The following DGKB variants were observed in gnomAD, a reference collection of about 807,000 sequenced individuals.
DGKB encodes the protein diacylglycerol kinase beta, also known as 90 kDa diacylglycerol kinase.
A neutral mutation model predicts 114.3 loss-of-function variants in DGKB; 67 were observed. That is an observed-to-expected ratio of 0.59 (90% CI 0.48 to 0.72). The LOEUF (loss-of-function observed/expected upper bound fraction) is 0.72. Ranked by LOEUF, DGKB falls within the 30% of genes least tolerant of loss-of-function variation. DGKB has a pLI of 0.00. For synonymous variants in DGKB, 398 were observed against 323.1 expected (o/e 1.23, Z -2.49); for missense variants, 907 against 975.2 (o/e 0.93, Z 0.93).
At chr7:14,650,827 C>G (rs1267942206) in intron 13 of DGKB, among the ~76,000 whole-genome samples, 1 of 149,900 alleles carries the variant, frequency 6.7e-6, no homozygotes, top group East Asian at 2.0e-4. Flanking sequence ...CACCACAGAT[C>G]CCACAGAAAT....
At chr7:14,598,520 C>T (rs1193124826) in intron 17 of DGKB, among the ~76,000 whole-genome samples, 1 of 152,106 alleles carries the variant, frequency 6.6e-6, no homozygotes, top group Non-Finnish European at 1.5e-5. Context: ...CTGATTTCTG[C>T]ATAGTCAATG....
rs750516681 is a variant in DGKB at position 14,701,682 on chromosome 7, G to A, written c.515C>T (p.Ser172Leu). 1.0e-5 allele frequency: 16 copies of A among 1,607,162 alleles called. No homozygotes were observed. Among genetic ancestry groups the A allele is most frequent in the Middle Eastern group, 1.7e-4 (1 of 6,026 alleles). The change falls in exon 7 of 26, where the codon TCG (serine) becomes TTG (leucine). Residue 172 changes from serine to leucine, a missense_variant and splice_region_variant. Ser to Leu is a moderately radical substitution (Grantham distance 145, BLOSUM62 -2). Transcript: ENST00000402815. The stretch of plus-strand genomic sequence containing the variant: ...AGAAACTTTGAAGAAAAAAATTACC[G>A]AGCTGTCCAGGAAGCCATTCCCATC... ...DTDGNGFLDS[S>L]ELENIISQMM...
intron 13 of DGKB, among the ~76,000 whole-genome samples, chr7:14,646,672 T>A (rs1813086672): frequency 1.3e-5 from 2 of 151,806 alleles, no homozygotes; most frequent in Admixed American, 1.3e-4. Context: ...AAAATCAGAA[T>A]CAATATTAAG....
At chr7:14,738,656 C>A (rs1178292646) in intron 4 of DGKB, among the ~76,000 whole-genome samples, 2 of 152,102 alleles carry the variant, frequency 1.3e-5, no homozygotes, top group Non-Finnish European at 2.9e-5. Flanking sequence ...TAATTTGAAA[C>A]AATATTTGAA....
intron 15 of DGKB, among the ~76,000 whole-genome samples, chr7:14,613,939 T>C (rs1055650150): frequency 4.6e-5 from 7 of 151,058 alleles, no homozygotes; most frequent in African/African-American, 1.7e-4. Context: ...TAAGAGTCCT[T>C]ATCTACACAA....
chr7:14,932,485 G>T (rs1562885324), intron 1 of DGKB, among the ~76,000 whole-genome samples: 1 of 152,098 alleles, frequency 6.6e-6, no homozygotes, highest in African/African-American at 2.4e-5. Context: ...TCTTCGTAAT[G>T]AACATCATTA....
At chr7:14,970,869 T>G (rs1319121704) in intron 1 of DGKB, among the ~76,000 whole-genome samples, 1 of 152,074 alleles carries the variant, frequency 6.6e-6, no homozygotes, top group African/African-American at 2.4e-5. Context: ...CAGGCTGGAG[T>G]GCAGATGGAC....
intron 23 of DGKB, among the ~76,000 whole-genome samples, chr7:14,326,500 C>T (rs1004573566): frequency 1.3e-5 from 2 of 151,954 alleles, no homozygotes; most frequent in African/African-American, 4.8e-5. Flanking sequence ...GCAGGAATCA[C>T]CATAGAATGG....
chr7:14,468,595 T>G (rs1242509062), intron 21 of DGKB, among the ~76,000 whole-genome samples: 5 of 149,924 alleles, frequency 3.3e-5, no homozygotes, highest in Non-Finnish European at 7.4e-5. Flanking sequence ...TATATATTGT[T>G]GTCAGCTTAT....
At chr7:14,248,912 C>T (rs556755091) in intron 23 of DGKB, among the ~76,000 whole-genome samples, 1 of 152,244 alleles carries the variant, frequency 6.6e-6, no homozygotes, top group Admixed American at 6.5e-5. Context: ...GCAGTCTTGA[C>T]TCATTCCTGA....
At chr7:14,962,380 C>T (rs1786898679) in intron 1 of DGKB, among the ~76,000 whole-genome samples, 1 of 152,058 alleles carries the variant, frequency 6.6e-6, no homozygotes, top group South Asian at 2.1e-4. Flanking sequence ...ACAACATAAG[C>T]ATTGTGTTGC....
At chr7:14,630,679 AGACATAGCTT>A (rs1181971544) in intron 13 of DGKB, among the ~76,000 whole-genome samples, 4 of 152,096 alleles carry the variant, frequency 2.6e-5, no homozygotes, top group African/African-American at 9.6e-5. Flanking sequence ...TTTTGAACAC[AGACATAGCTT>A]ATGATGTTCA....
At chr7:14,971,695 TTTA>T (rs1334675656) in intron 1 of DGKB, among the ~76,000 whole-genome samples, 1 of 151,950 alleles carries the variant, frequency 6.6e-6, no homozygotes, top group East Asian at 2.0e-4. Flanking sequence ...ATGAAAATCT[TTTA>T]TTTTTATTTT....
At chr7:14,913,599 T>C (rs1270041327) in intron 1 of DGKB, among the ~76,000 whole-genome samples, 1 of 151,472 alleles carries the variant, frequency 6.6e-6, no homozygotes, top group Non-Finnish European at 1.5e-5. Context: ...AGAGTGATAA[T>C]AGGAAAAGTA....
rs564771802 is a variant in DGKB, at chr7:14,333,482, A to T, written c.2122+5033T>A. 5.7e-5 allele frequency among the ~76,000 whole-genome samples: 8 copies of T among 139,928 alleles called. No homozygotes were observed. In the South Asian group the frequency reaches 1.9e-3, roughly 32 times the overall value. The allele number at this position is 139,928 out of a possible 152,430, so 91.8% of individuals were successfully genotyped here. A position where few individuals can be genotyped will look rare whatever the true frequency, so the allele number is the denominator to read the frequency against. On this transcript the variant is annotated intron_variant, in intron 23 of 25. Coordinates refer to ENST00000402815, the MANE Select transcript of DGKB (RefSeq NM_001350709.2). Reference sequence around the variant, plus strand: ...TCTTAAAAAAAAAAAAAAAAAAAAAATCAATCTGTGAGAATAATGGATCTA... The same window carrying T: ...TCTTAAAAAAAAAAAAAAAAAAAAATTCAATCTGTGAGAATAATGGATCTA...
At chr7:14,744,299 C>T (rs1350814538) in intron 4 of DGKB, among the ~76,000 whole-genome samples, 6 of 152,156 alleles carry the variant, frequency 3.9e-5, no homozygotes, top group Non-Finnish European at 8.8e-5. Context: ...GGCAACAGTA[C>T]ACAGTTGGAG....
intron 25 of DGKB, among the ~76,000 whole-genome samples, chr7:14,175,427 C>T (rs1033596544): frequency 6.6e-6 from 1 of 152,162 alleles, no homozygotes; most frequent in African/African-American, 2.4e-5. Context: ...AGCCCTTTCT[C>T]TCCTCCACCT....
chr7:14,500,191 C>T (rs1237959226), intron 20 of DGKB, among the ~76,000 whole-genome samples: 2 of 151,570 alleles, frequency 1.3e-5, no homozygotes, highest in Non-Finnish European at 3.0e-5. Context: ...AAAACAATAT[C>T]CTCCTTTTCT....
At chr7:14,540,873 C>G (rs189984695) in intron 20 of DGKB, among the ~76,000 whole-genome samples, 1 of 152,180 alleles carries the variant, frequency 6.6e-6, no homozygotes, top group Non-Finnish European at 1.5e-5. Context: ...CTGATCAACA[C>G]TGTCTTCTTT....
Sources: allele counts gnomAD v4.1 joint callset (sites outside exome capture counted in the v4.1 genomes callset), GRCh38; gene constraint gnomAD v4.1.1; transcripts MANE v1.5; gene names NCBI Gene and HGNC (gene_info 2026-07-23, HGNC 2026-07-21).